Variants in RAB22A observed in about 807,000 individuals in gnomAD.
RAB22A encodes RAB22A, member RAS oncogene family.
RAB22A carries 13 observed loss-of-function variants against 30.2 expected under a neutral mutation model. The ratio of observed to expected loss-of-function variants is 0.43; its 90% CI spans 0.28 to 0.68. RAB22A has a LOEUF of 0.68. RAB22A is among the 30% of genes least tolerant of loss of function. The probability of loss-of-function intolerance (pLI) is 0.18; values close to 1 mark genes in which losing one functional copy is unlikely to be tolerated. For synonymous variants in RAB22A, 89 were observed against 87.2 expected (o/e 1.02, Z -0.11); for missense variants, 177 against 246.8 (o/e 0.72, Z 1.89).
intron 2 of RAB22A, among the ~76,000 whole-genome samples, chr20:58,317,762 G>C (rs538883576): frequency 1.3e-5 from 2 of 151,556 alleles, no homozygotes; most frequent in African/African-American, 4.8e-5. Flanking sequence ...GTTTCACCAT[G>C]GTCTTGATCT....
intron 3 of RAB22A, among the ~76,000 whole-genome samples, chr20:58,349,427 A>G (rs922296483): frequency 6.6e-6 from 1 of 152,240 alleles, no homozygotes; most frequent in African/African-American, 2.4e-5. Flanking sequence ...AAAGGGATTC[A>G]ACAAGGAGGG....
Position 58,366,957 on chromosome 20 carries a change from T to A in RAB22A, c.*7254T>A, listed in dbSNP as rs1305325628. On this transcript the variant is annotated 3_prime_UTR_variant, in exon 7 of 7. Transcript: ENST00000244040. The stretch of plus-strand genomic sequence containing the variant: ...TAAGCCGTCCTACCAGCAATCTCTC[T>A]TTCTCCTAAGAATGTCATGCCTTCT... 1 of 152,658 alleles carries A rather than the reference T, an allele frequency of 6.6e-6. No individual in the cohort carries two copies. The highest frequency in any genetic ancestry group is 6.5e-5 in the Admixed American group (1 of 15,288). The allele number at this position is 152,658 out of a possible 1,614,324, so 9.5% of individuals were successfully genotyped here. A position where few individuals can be genotyped will look rare whatever the true frequency, so the allele number is the denominator to read the frequency against.
chr20:58,319,805 A>G (rs981108461), intron 2 of RAB22A, among the ~76,000 whole-genome samples: 3 of 152,166 alleles, frequency 2.0e-5, no homozygotes, highest in African/African-American at 4.8e-5. Context: ...GTTCCCTTCT[A>G]TTCCTGAATT....
At chr20:58,313,058 A>C (rs1383924728) in intron 2 of RAB22A, among the ~76,000 whole-genome samples, 2 of 152,098 alleles carry the variant, frequency 1.3e-5, no homozygotes. Context: ...GAAAACCTAA[A>C]ATCCACAAGA....
chr20:58,323,528 T>G (rs1044133179), intron 2 of RAB22A, among the ~76,000 whole-genome samples: 2 of 152,132 alleles, frequency 1.3e-5, no homozygotes, highest in African/African-American at 4.8e-5. Context: ...GGTATTATCC[T>G]AATCTTAGGG....
intron 2 of RAB22A, among the ~76,000 whole-genome samples, chr20:58,317,509 A>AG (rs1338556028): frequency 6.6e-6 from 1 of 151,762 alleles, no homozygotes; most frequent in Non-Finnish European, 1.5e-5. Flanking sequence ...TAAAATGCTT[A>AG]GGAAAGTACC....
intron 3 of RAB22A, 69 bp downstream of exon 3, chr20:58,343,868 T>C (rs1343973445): frequency 2.5e-6 from 3 of 1,216,168 alleles, no homozygotes; most frequent in African/African-American, 1.5e-5. Flanking sequence ...ACTGTCAGCA[T>C]CCCTGTCATC....
intron 2 of RAB22A, among the ~76,000 whole-genome samples, chr20:58,334,374 C>T (rs1986710502): frequency 1.3e-5 from 2 of 151,814 alleles, no homozygotes; most frequent in African/African-American, 4.8e-5. Context: ...AAGCTGAATA[C>T]TGCCGTCCAT....
intron 2 of RAB22A, among the ~76,000 whole-genome samples, chr20:58,340,578 A>G (rs1411201919): frequency 6.6e-6 from 1 of 152,228 alleles, no homozygotes; most frequent in Non-Finnish European, 1.5e-5. Context: ...TTGGAGTTCT[A>G]GGATAGCAAG....
chr20:58,351,700 C>G (rs943772077), intron 3 of RAB22A, among the ~76,000 whole-genome samples: 27 of 152,202 alleles, frequency 1.8e-4, no homozygotes, highest in African/African-American at 5.3e-4. Flanking sequence ...GTAATCCCAA[C>G]TGCTAGGGAG....
At chr20:58,311,006 A>G (rs542165) in intron 1 of RAB22A, 37 bp from the exon 2 acceptor site, 686,193 of 1,527,938 alleles carry the variant, frequency 0.45, 159,543 homozygotes, top group African/African-American at 0.68. Flanking sequence ...GCCAAAAGGT[A>G]AACTTTTTCT....
chr20:58,359,495 C>A (rs1432196343), intron 6 of RAB22A, 111 bp from the exon 7 acceptor site: 1 of 332,340 alleles, frequency 3.0e-6, no homozygotes, highest in Non-Finnish European at 5.1e-6. Flanking sequence ...GTTTATTAAA[C>A]TTTTTTTTTT....
chr20:58,343,689 A>G, intron 2 of RAB22A, 29 bp from the exon 3 acceptor site: 1 of 1,544,396 alleles, frequency 6.5e-7, no homozygotes. Context: ...ACATAATTGT[A>G]TTCTGATCAT....
At chr20:58,359,255 C>A (rs1389663587) in intron 6 of RAB22A, among the ~76,000 whole-genome samples, 1 of 152,026 alleles carries the variant, frequency 6.6e-6, no homozygotes, top group Non-Finnish European at 1.5e-5. Context: ...TTACTAAGTG[C>A]TGTGTGATAT....
chr20:58,325,400 C>G (rs567746874), intron 2 of RAB22A, among the ~76,000 whole-genome samples: 1 of 152,158 alleles, frequency 6.6e-6, no homozygotes, highest in Non-Finnish European at 1.5e-5. Context: ...TCACTTGAAT[C>G]TGGGAGGCGG....
In RAB22A at chr20:58,359,561, A is replaced by G. The variant is rs778762997; in HGVS notation, c.488-45A>G. On this transcript the variant is annotated intron_variant, in intron 6 of 6. Coordinates refer to ENST00000244040, the MANE Select transcript of RAB22A (RefSeq NM_020673.3). ...TGCATCTGCAAAATTGTTGTGTCTG[A>G]GAAAGTTAAAGCTCACTCCCTTCCC... 9.5e-6 allele frequency: 13 copies of G among 1,362,004 alleles called. No individual in the cohort carries two copies. In the East Asian group the frequency reaches 3.4e-4, roughly 36 times the overall value. The allele number at this position is 1,362,004 out of a possible 1,614,324, so 84.4% of individuals were successfully genotyped here.
At position 58,343,838 on chromosome 20, in the gene RAB22A, C is replaced by A. The variant is rs750112120; in HGVS notation, c.198+39C>A. 4 of 1,486,064 alleles carry A rather than the reference C, an allele frequency of 2.7e-6. No homozygotes were observed. The African/African-American group carries it at 5.5e-5, about 21-fold the overall frequency. 92.1% of individuals were successfully genotyped at this position (1,486,064 alleles called of 1,614,324 possible). On this transcript the variant is annotated intron_variant, in intron 3 of 6. Transcript: ENST00000244040. ...TAATTTACTCTGTTTTTCTGAGGCC[C>A]AAATGAAAGTTCCAACTAAACTGTC...
intron 2 of RAB22A, among the ~76,000 whole-genome samples, chr20:58,339,184 T>C (rs1354810925): frequency 6.6e-6 from 1 of 152,226 alleles, no homozygotes; most frequent in African/African-American, 2.4e-5. Flanking sequence ...GTCATATTTT[T>C]AGAATGCCAT....
At chr20:58,318,177 A>T (rs1271707814) in intron 2 of RAB22A, among the ~76,000 whole-genome samples, 1 of 152,218 alleles carries the variant, frequency 6.6e-6, no homozygotes, top group Non-Finnish European at 1.5e-5. Flanking sequence ...ATTCTTTTGT[A>T]AATGTTTAAA....
Sources: allele counts gnomAD v4.1 joint callset (sites outside exome capture counted in the v4.1 genomes callset), GRCh38; gene constraint gnomAD v4.1.1; transcripts MANE v1.5; gene names NCBI Gene and HGNC (gene_info 2026-07-23, HGNC 2026-07-21).